EXOC6B: variants seen among roughly 807,000 people sequenced by gnomAD.
EXOC6B encodes the protein SEC15 homolog B.
EXOC6B carries 54 observed loss-of-function variants against 113.5 expected under a neutral mutation model. The ratio of observed to expected loss-of-function variants is 0.48; its 90% confidence interval spans 0.38 to 0.60. The LOEUF (loss-of-function observed/expected upper bound fraction) is 0.60, where lower values mean the gene tolerates loss of function less well. EXOC6B is among the 20% of genes least tolerant of loss of function. The probability of loss-of-function intolerance (pLI) is 0.00; values close to 1 mark genes in which losing one functional copy is unlikely to be tolerated. For synonymous variants in EXOC6B, 357 were observed against 339.0 expected, an observed-to-expected ratio of 1.05 and a Z score of -0.58; for missense variants, 797 against 977.5, an observed-to-expected ratio of 0.82 and a Z score of 2.46.
chr2:72,808,386 T>A lies in EXOC6B; in HGVS notation c.113+17412A>T, dbSNP rs528155636. ...ATTCAAACTGGTAAAATGACACTAG[T>A]AGACTATAAGTTACATATAAATAAT... On this transcript the variant is annotated intron_variant, in intron 1 of 21. Transcript: ENST00000272427. 3.9e-5 allele frequency among the ~76,000 whole-genome samples: 6 copies of A among 152,238 alleles called. No individual in the cohort carries two copies. In the South Asian group the frequency reaches 1.2e-3, roughly 32 times the overall value.
chr2:72,494,980 C>A (rs1253145496), intron 15 of EXOC6B, among the ~76,000 whole-genome samples: 3 of 152,000 alleles, frequency 2.0e-5, no homozygotes, highest in Non-Finnish European at 4.4e-5. Flanking sequence ...CCCTTTTGGC[C>A]TTAACATTTC....
At chr2:72,675,071 A>C (rs931622902) in intron 6 of EXOC6B, among the ~76,000 whole-genome samples, 10 of 152,230 alleles carry the variant, frequency 6.6e-5, no homozygotes, top group African/African-American at 2.4e-4. Context: ...CATACCACTC[A>C]AAACAAGCAC....
intron 20 of EXOC6B, among the ~76,000 whole-genome samples, chr2:72,284,959 T>C (rs189626539): frequency 5.7e-4 from 86 of 152,108 alleles, no homozygotes; most frequent in Middle Eastern, 3.4e-3. Flanking sequence ...ACTATGAAAC[T>C]CTGATAAAAT....
intron 8 of EXOC6B, among the ~76,000 whole-genome samples, chr2:72,533,682 A>C (rs1252408420): frequency 6.6e-6 from 1 of 152,202 alleles, no homozygotes; most frequent in African/African-American, 2.4e-5. Flanking sequence ...TTTTTAGTGT[A>C]GTTTTTCCAG....
chr2:72,810,364 TAAA>T (rs1449174563), intron 1 of EXOC6B, among the ~76,000 whole-genome samples: 1 of 149,134 alleles, frequency 6.7e-6, no homozygotes, highest in African/African-American at 2.5e-5. Context: ...AATAAATAAA[TAAA>T]TAAATAAATA....
rs78385080 is a variant in EXOC6B, at chr2:72,703,053, T to C, written c.669+15050A>G. Among the ~76,000 whole-genome samples the C allele has an allele frequency of 2.0e-5, 3 of 147,098 alleles. No homozygotes were observed. In the South Asian group the frequency reaches 6.6e-4, roughly 32 times the overall value. On this transcript the variant is annotated intron_variant, in intron 6 of 21. Coordinates refer to ENST00000272427, the MANE Select transcript of EXOC6B (RefSeq NM_015189.3). The stretch of plus-strand genomic sequence containing the variant: ...TTTTCTTCTAGGGTTTTTATGGTTT[T>C]AGGTCTAACGTTTAAGTCTTTAATC...
intron 20 of EXOC6B, among the ~76,000 whole-genome samples, chr2:72,198,576 TAAGTAGTAAGTACAAAGA>T (rs960550777): frequency 6.6e-6 from 1 of 152,150 alleles, no homozygotes; most frequent in African/African-American, 2.4e-5. Context: ...AAGTACAAAG[TAAGTAGTAAGTACAAAGA>T]AAGTAGTAAA....
intron 1 of EXOC6B, among the ~76,000 whole-genome samples, chr2:72,791,162 G>A (rs1684653500): frequency 6.6e-6 from 1 of 152,180 alleles, no homozygotes; most frequent in African/African-American, 2.4e-5. Flanking sequence ...ATAAACGTTT[G>A]AGATGATGGG....
intron 18 of EXOC6B, among the ~76,000 whole-genome samples, chr2:72,422,965 G>C (rs775380802): frequency 5.3e-5 from 8 of 152,080 alleles, no homozygotes; most frequent in Non-Finnish European, 1.0e-4. Context: ...CAGGCTGCCC[G>C]AGCCAGCATT....
intron 20 of EXOC6B, among the ~76,000 whole-genome samples, chr2:72,317,969 A>G (rs539821954): frequency 6.6e-6 from 1 of 152,282 alleles, no homozygotes; most frequent in Non-Finnish European, 1.5e-5. Flanking sequence ...GAACACCACA[A>G]TCCTTAGATT....
At chr2:72,308,032 G>A (rs1430574321) in intron 20 of EXOC6B, among the ~76,000 whole-genome samples, 1 of 152,148 alleles carries the variant, frequency 6.6e-6, no homozygotes. Context: ...AAATTCATTA[G>A]AATTTCTGAG....
chr2:72,680,868 G>C (rs1201833810), intron 6 of EXOC6B, among the ~76,000 whole-genome samples: 1 of 152,048 alleles, frequency 6.6e-6, no homozygotes, highest in Non-Finnish European at 1.5e-5. Context: ...TCAATTCTAG[G>C]GGAAAAAAGA....
At chr2:72,656,620 A>G (rs1247516839) in intron 6 of EXOC6B, among the ~76,000 whole-genome samples, 4 of 152,156 alleles carry the variant, frequency 2.6e-5, no homozygotes, top group African/African-American at 9.6e-5. Context: ...ACTGGATAAA[A>G]AGCTCCCCCC....
At chr2:72,564,593 T>A (rs1704060355) in intron 7 of EXOC6B, among the ~76,000 whole-genome samples, 1 of 152,136 alleles carries the variant, frequency 6.6e-6, no homozygotes, top group Non-Finnish European at 1.5e-5. Context: ...CCATATTATG[T>A]CTATAAGCCA....
intron 6 of EXOC6B, among the ~76,000 whole-genome samples, chr2:72,716,446 A>T (rs897969149): frequency 6.6e-6 from 1 of 152,140 alleles, no homozygotes. Context: ...ACTACAAAAG[A>T]TTTTTTAATG....
At chr2:72,242,720 T>G (rs1327804690) in intron 20 of EXOC6B, among the ~76,000 whole-genome samples, 1 of 152,112 alleles carries the variant, frequency 6.6e-6, no homozygotes, top group African/African-American at 2.4e-5. Flanking sequence ...AAGACCCAAT[T>G]ATATGTTATA....
chr2:72,605,571 A>C (rs1670704544), intron 6 of EXOC6B, among the ~76,000 whole-genome samples: 1 of 152,212 alleles, frequency 6.6e-6, no homozygotes, highest in Non-Finnish European at 1.5e-5. Flanking sequence ...TTTTAAGTTC[A>C]CAAAATCATT....
chr2:72,198,388 A>G (rs1679297827), intron 20 of EXOC6B, among the ~76,000 whole-genome samples: 1 of 152,216 alleles, frequency 6.6e-6, no homozygotes, highest in Non-Finnish European at 1.5e-5. Context: ...GATCAGGCCA[A>G]GTAAAATTAT....
intron 8 of EXOC6B, among the ~76,000 whole-genome samples, chr2:72,551,598 G>A (rs374522872): frequency 2.6e-5 from 4 of 151,102 alleles, no homozygotes; most frequent in Middle Eastern, 3.2e-3. Flanking sequence ...TCCGCCTCCC[G>A]GGTTCACGCC....
Sources: gnomAD v4.1 joint callset for allele counts (sites outside exome capture counted in the v4.1 genomes callset) on GRCh38, gnomAD v4.1.1 for gene constraint, MANE v1.5 for transcripts, NCBI Gene and HGNC (gene_info 2026-07-23, HGNC 2026-07-21) for gene names.